The following PLD5 variants were observed in gnomAD, a reference collection of about 807,000 sequenced individuals.
The protein encoded by PLD5 is inactive phospholipase D5.
A neutral mutation model predicts 61.1 loss-of-function variants in PLD5; 36 were observed. The observed-to-expected ratio is 0.59, with a 90% CI of 0.45 to 0.78. The LOEUF (loss-of-function observed/expected upper bound fraction) is 0.78. Among genes scored for constraint, PLD5 ranks in the 30% least tolerant of loss-of-function variants. PLD5 has a pLI of 0.00. For missense variants in PLD5, 515 were observed against 644.4 expected (o/e 0.80, Z 2.17); for synonymous variants, 243 against 242.8 (o/e 1.00, Z -0.01).
chr1:242,215,725 G>T (rs910460958), intron 5 of PLD5, among the ~76,000 whole-genome samples: 2 of 152,126 alleles, frequency 1.3e-5, no homozygotes, highest in African/African-American at 4.8e-5. Flanking sequence ...AGGACCCACA[G>T]CCCCAGACAA....
chr1:242,348,336 T>C, intron 1 of PLD5, 94 bp from the exon 2 acceptor site: 9 of 1,359,500 alleles, frequency 6.6e-6, no homozygotes, highest in Non-Finnish European at 8.9e-6. Flanking sequence ...CCATGAAAAA[T>C]GGGTGGGGAT....
intron 1 of PLD5, among the ~76,000 whole-genome samples, chr1:242,405,233 C>G (rs1430605788): frequency 1.3e-5 from 2 of 152,106 alleles, no homozygotes; most frequent in Non-Finnish European, 2.9e-5. Flanking sequence ...CCATGCTTTC[C>G]CGTGGTTTTC....
intron 6 of PLD5, among the ~76,000 whole-genome samples, chr1:242,116,142 T>C (rs1235369918): frequency 6.6e-6 from 1 of 152,192 alleles, no homozygotes; most frequent in Non-Finnish European, 1.5e-5. Context: ...TTTTTGGAAC[T>C]GCCTGGAATG....
intron 1 of PLD5, among the ~76,000 whole-genome samples, chr1:242,361,989 T>TA (rs1393913526): frequency 6.7e-6 from 1 of 150,348 alleles, no homozygotes; most frequent in African/African-American, 2.4e-5. Context: ...TTTTTTGGTA[T>TA]AAAAAAATTT....
rs141589378 is a variant in PLD5 at position 242,514,923 on chromosome 1, T to C, written c.189+9165A>G. Among the ~76,000 whole-genome samples the C allele has an allele frequency of 1.2e-4, 19 of 152,176 alleles. No homozygotes were observed. The East Asian group carries it at 3.3e-3, about 26-fold the overall frequency. ...TGGGTTAGAGAGGACAGGAGAAGCATAGAGTCTGAGGAGGTATAGCTGGAG... is the reference window on the plus strand; with the variant it reads ...TGGGTTAGAGAGGACAGGAGAAGCACAGAGTCTGAGGAGGTATAGCTGGAG... On this transcript the variant is annotated intron_variant, in intron 1 of 9. Coordinates refer to ENST00000536534, the MANE Select transcript of PLD5 (RefSeq NM_001372062.1).
At chr1:242,179,037 A>T (rs969157084) in intron 5 of PLD5, among the ~76,000 whole-genome samples, 3 of 152,234 alleles carry the variant, frequency 2.0e-5, no homozygotes, top group African/African-American at 7.2e-5. Context: ...TGTTATATCC[A>T]GTTGTTCATC....
chr1:242,159,530 C>A (rs1665657968), intron 5 of PLD5, among the ~76,000 whole-genome samples: 1 of 152,140 alleles, frequency 6.6e-6, no homozygotes, highest in Admixed American at 6.5e-5. Flanking sequence ...TAGGCAGCCA[C>A]TGTGTTTATG....
At chr1:242,359,976 A>G (rs973085708) in intron 1 of PLD5, among the ~76,000 whole-genome samples, 2 of 152,236 alleles carry the variant, frequency 1.3e-5, no homozygotes, top group African/African-American at 2.4e-5. Context: ...AGGGAGAAAT[A>G]AGACAGAAAG....
intron 2 of PLD5, among the ~76,000 whole-genome samples, chr1:242,328,426 ATG>A (rs1411953507): frequency 7.9e-5 from 12 of 152,174 alleles, no homozygotes; most frequent in East Asian, 3.9e-4. Flanking sequence ...TTTTCTATAT[ATG>A]TGTGTTCTAC....
chr1:242,224,398 A>G (rs930740860), intron 4 of PLD5, among the ~76,000 whole-genome samples: 3 of 152,090 alleles, frequency 2.0e-5, no homozygotes, highest in South Asian at 2.1e-4. Context: ...GAATGCCACA[A>G]TTTTATGAGC....
chr1:242,445,758 C>T (rs567015368), intron 1 of PLD5, among the ~76,000 whole-genome samples: 3 of 123,484 alleles, frequency 2.4e-5, no homozygotes, highest in African/African-American at 6.2e-5. Context: ...GTTTTATTCA[C>T]TTCTTTTTTT....
chr1:242,177,581 A>G (rs1026228795), intron 5 of PLD5: 3 of 152,230 alleles, frequency 2.0e-5, no homozygotes, highest in African/African-American at 7.2e-5. Context: ...TTTGCACTGA[A>G]GAGCAAACAA....
At chr1:242,316,772 C>T (rs1010814731) in intron 2 of PLD5, among the ~76,000 whole-genome samples, 3 of 152,078 alleles carry the variant, frequency 2.0e-5, no homozygotes, top group African/African-American at 7.2e-5. Context: ...TCCCACCCTC[C>T]ACTCTCAAGC....
chr1:242,212,571 C>A (rs1446072399), intron 5 of PLD5, among the ~76,000 whole-genome samples: 1 of 152,082 alleles, frequency 6.6e-6, no homozygotes, highest in Non-Finnish European at 1.5e-5. Flanking sequence ...GCAGGAGGCA[C>A]ATGCAGGAAG....
intron 1 of PLD5, among the ~76,000 whole-genome samples, chr1:242,493,457 G>A (rs1282131606): frequency 6.6e-6 from 1 of 152,182 alleles, no homozygotes; most frequent in Non-Finnish European, 1.5e-5. Flanking sequence ...AGGGTCAGAG[G>A]GAAATTTTCA....
In PLD5 at chr1:242,486,898, C is replaced by T. The variant is rs1667982010; in HGVS notation, c.189+37190G>A. Among the ~76,000 whole-genome samples, 6 of 152,168 alleles carry T rather than the reference C, an allele frequency of 3.9e-5. No homozygotes were observed. In the South Asian group the frequency reaches 1.2e-3, roughly 32 times the overall value. The stretch of plus-strand genomic sequence containing the variant: ...ATGCAGCCATAAAAAAGGATGAGTT[C>T]ATGTCCTTTGTAGGGACATGGATGA... On this transcript the variant is annotated intron_variant, in intron 1 of 9. Transcript: ENST00000536534.
intron 5 of PLD5, among the ~76,000 whole-genome samples, chr1:242,173,689 C>T (rs1666917231): frequency 1.3e-5 from 2 of 152,078 alleles, no homozygotes; most frequent in African/African-American, 4.8e-5. Flanking sequence ...GGTACTGGTA[C>T]CAAAACAGAG....
At position 242,086,990 on chromosome 1, in the gene PLD5, G is replaced by C. The variant is rs562159298; in HGVS notation, c.*2864C>G. Reference sequence around the variant, plus strand: ...GTAATTCCTGGGATATTTAGGGGTGGGGGGGAATGGAGGTTGATAGTTTGT... The same window carrying C: ...GTAATTCCTGGGATATTTAGGGGTGCGGGGGAATGGAGGTTGATAGTTTGT... On this transcript the variant is annotated 3_prime_UTR_variant, in exon 10 of 10. Transcript: ENST00000536534. 6.6e-6 allele frequency: 1 copy of C among 151,874 alleles called. No individual in the cohort carries two copies. Among genetic ancestry groups the C allele is most frequent in the Non-Finnish European group, 1.5e-5 (1 of 67,988 alleles). 9.4% of individuals were successfully genotyped at this position (151,874 alleles called of 1,614,324 possible).
chr1:242,390,024 ATTATT>A (rs1662834813), intron 1 of PLD5, among the ~76,000 whole-genome samples: 3 of 30,138 alleles, frequency 1.0e-4, no homozygotes, highest in Admixed American at 5.5e-4. Flanking sequence ...AATAATAATT[ATTATT>A]ATTATTATTG....
Sources: allele counts gnomAD v4.1 joint callset (sites outside exome capture counted in the v4.1 genomes callset), GRCh38; gene constraint gnomAD v4.1.1; transcripts MANE v1.5; gene names NCBI Gene and HGNC (gene_info 2026-07-23, HGNC 2026-07-21).